The following ULK4 variants were observed in gnomAD, a reference collection of about 807,000 sequenced individuals.
ULK4 encodes the protein unc-51 like kinase 4, also known as inactive serine/threonine-protein kinase ULK4.
Under a neutral mutation model 160.6 loss-of-function variants are expected in ULK4, and 133 were observed. The observed-to-expected ratio is 0.83, with a 90% CI of 0.72 to 0.96. ULK4 has a LOEUF of 0.96. Among genes scored for constraint, ULK4 ranks in the 40% least tolerant of loss-of-function variants. The pLI is 0.00. For synonymous variants in ULK4, 534 were observed against 539.8 expected, an observed-to-expected ratio of 0.99 and a Z score of 0.15; for missense variants, 1,580 against 1,499.5, an observed-to-expected ratio of 1.05 and a Z score of -0.89.
intron 30 of ULK4, among the ~76,000 whole-genome samples, chr3:41,622,947 G>T (rs1466559002): frequency 1.3e-5 from 2 of 152,014 alleles, no homozygotes; most frequent in East Asian, 1.9e-4. Context: ...AATATAGAAA[G>T]AAATAAACAT....
chr3:41,407,349 T>C lies in ULK4; in HGVS notation c.3493-9085A>G, dbSNP rs1177963454. On this transcript the variant is annotated intron_variant, in intron 34 of 36. Coordinates refer to ENST00000301831, the MANE Select transcript of ULK4 (RefSeq NM_017886.4). Reference sequence around the variant, plus strand: ...TAAGAAAAAGGGAACACTTCTGAACTCATTCTCTGAGGTCAGTACTACCCT... The same window carrying C: ...TAAGAAAAAGGGAACACTTCTGAACCCATTCTCTGAGGTCAGTACTACCCT... 2.0e-5 allele frequency among the ~76,000 whole-genome samples: 3 copies of C among 152,062 alleles called. No individual in the cohort carries two copies. In the East Asian group the frequency reaches 5.8e-4, roughly 29 times the overall value.
chr3:41,694,870 G>C (rs192234287), intron 27 of ULK4, among the ~76,000 whole-genome samples: 107 of 152,270 alleles, frequency 7.0e-4, no homozygotes, highest in Middle Eastern at 3.4e-3. Context: ...CTGTGGATAT[G>C]GAGGGCCAAA....
At chr3:41,902,351 G>A (rs1271784305) in intron 12 of ULK4, among the ~76,000 whole-genome samples, 1 of 151,990 alleles carries the variant, frequency 6.6e-6, no homozygotes, top group Admixed American at 6.6e-5. Context: ...AGGCCGAGGT[G>A]GGCACATCAC....
intron 16 of ULK4, among the ~76,000 whole-genome samples, chr3:41,893,466 T>C (rs1384563184): frequency 2.6e-5 from 4 of 152,180 alleles, no homozygotes; most frequent in African/African-American, 7.2e-5. Flanking sequence ...TGGGATTATA[T>C]ATTGATACAA....
At chr3:41,880,327 AG>A (rs145949474) in intron 17 of ULK4, among the ~76,000 whole-genome samples, 18,532 of 152,182 alleles carry the variant, frequency 0.12, 1,304 homozygotes, top group Middle Eastern at 0.27. Flanking sequence ...TCAGTAAAAA[AG>A]ATACAGATGT....
intron 35 of ULK4, among the ~76,000 whole-genome samples, chr3:41,392,138 C>T (rs1488427366): frequency 6.6e-6 from 1 of 152,076 alleles, no homozygotes; most frequent in East Asian, 1.9e-4. Flanking sequence ...CATTGATATC[C>T]AGTTTAAGGG....
intron 31 of ULK4, among the ~76,000 whole-genome samples, chr3:41,598,835 C>T (rs2031868502): frequency 6.6e-6 from 1 of 152,190 alleles, no homozygotes; most frequent in African/African-American, 2.4e-5. Context: ...TTATCACAGA[C>T]GTTGTGGCTT....
intron 22 of ULK4, among the ~76,000 whole-genome samples, chr3:41,735,758 T>C (rs1396349998): frequency 6.6e-6 from 1 of 151,100 alleles, no homozygotes; most frequent in Admixed American, 6.6e-5. Flanking sequence ...GCAGGTTTGT[T>C]ACATATGTAT....
At chr3:41,299,589 G>A (rs1340574260) in intron 35 of ULK4, among the ~76,000 whole-genome samples, 1 of 152,126 alleles carries the variant, frequency 6.6e-6, no homozygotes, top group Non-Finnish European at 1.5e-5. Flanking sequence ...TAAATTTGAG[G>A]GTGATTTGTT....
intron 30 of ULK4, among the ~76,000 whole-genome samples, chr3:41,646,387 G>T (rs189467111): frequency 2.4e-3 from 372 of 152,284 alleles, no homozygotes; most frequent in African/African-American, 8.4e-3. Context: ...GGGCAGGCCT[G>T]GTGGTGACAA....
chr3:41,723,222 G>A (rs2037534733), intron 22 of ULK4, among the ~76,000 whole-genome samples: 1 of 151,990 alleles, frequency 6.6e-6, no homozygotes. Context: ...AGGGAAAAGA[G>A]GAATTATGAA....
At chr3:41,826,384 A>G (rs2041352973) in intron 18 of ULK4, among the ~76,000 whole-genome samples, 1 of 152,146 alleles carries the variant, frequency 6.6e-6, no homozygotes, top group South Asian at 2.1e-4. Flanking sequence ...AAGAGTCAAG[A>G]CCCATCAGGG....
chr3:41,949,805 C>T (rs989250105), intron 2 of ULK4, among the ~76,000 whole-genome samples: 22 of 150,570 alleles, frequency 1.5e-4, no homozygotes, highest in Middle Eastern at 7.0e-3. Flanking sequence ...GGCATGATCG[C>T]GGCTCACTGC....
chr3:41,419,816 A>G (rs866942957), intron 34 of ULK4, among the ~76,000 whole-genome samples: 2 of 152,068 alleles, frequency 1.3e-5, no homozygotes, highest in Middle Eastern at 3.4e-3. Context: ...GCTGTTCCTT[A>G]TAGACTTCTG....
At chr3:41,718,477 G>A (rs1040796669) in intron 22 of ULK4, among the ~76,000 whole-genome samples, 1 of 152,088 alleles carries the variant, frequency 6.6e-6, no homozygotes, top group Admixed American at 6.5e-5. Context: ...CGGAACTAGG[G>A]AGTCTACTGG....
intron 4 of ULK4, 110 bp downstream of exon 4, chr3:41,935,691 A>C (rs929887263): frequency 1.5e-6 from 2 of 1,309,248 alleles, no homozygotes; most frequent in Non-Finnish European, 2.1e-6. Flanking sequence ...ATTAACTAAA[A>C]TTTCAAGATA....
intron 27 of ULK4, among the ~76,000 whole-genome samples, chr3:41,695,898 A>C (rs1383831284): frequency 1.3e-5 from 2 of 152,164 alleles, no homozygotes; most frequent in African/African-American, 4.8e-5. Context: ...GGCCATACAG[A>C]GATAGGAGCT....
chr3:41,596,658 T>TAA (rs1329431615), intron 31 of ULK4, among the ~76,000 whole-genome samples: 1 of 152,008 alleles, frequency 6.6e-6, no homozygotes, highest in African/African-American at 2.4e-5. Flanking sequence ...ATCAAGGTCA[T>TAA]AAAGGTAGTT....
At chr3:41,870,873 T>C (rs1302495103) in intron 17 of ULK4, among the ~76,000 whole-genome samples, 1 of 152,134 alleles carries the variant, frequency 6.6e-6, no homozygotes, top group Non-Finnish European at 1.5e-5. Context: ...TCACCCTGAA[T>C]CGTAATAATC....
Sources: gnomAD v4.1 joint callset for allele counts (sites outside exome capture counted in the v4.1 genomes callset) on GRCh38, gnomAD v4.1.1 for gene constraint, MANE v1.5 for transcripts, NCBI Gene and HGNC (gene_info 2026-07-23, HGNC 2026-07-21) for gene names.